Variants in TSPAN32 observed in about 807,000 individuals in gnomAD.
TSPAN32 encodes the protein tetraspanin 32.
A neutral mutation model predicts 42.7 loss-of-function variants in TSPAN32; 47 were observed. The ratio of observed to expected loss-of-function variants is 1.10; its 90% CI spans 0.87 to 1.40. TSPAN32 has a LOEUF of 1.40. Among genes scored for constraint, TSPAN32 ranks in the 40% most tolerant of loss-of-function variants. The probability of loss-of-function intolerance (pLI) is 0.00; values close to 1 mark genes in which losing one functional copy is unlikely to be tolerated. For synonymous variants in TSPAN32, 175 were observed against 175.9 expected (o/e 0.99, Z 0.04); for missense variants, 469 against 424.1 (o/e 1.11, Z -0.93).
chr11:2,308,212 G>T (rs552368885), intron 3 of TSPAN32, among the ~76,000 whole-genome samples: 1 of 152,242 alleles, frequency 6.6e-6, no homozygotes, highest in Middle Eastern at 3.4e-3. Flanking sequence ...GGATGGGAAG[G>T]TGCTATGGAA....
In TSPAN32 at chr11:2,302,073, G is replaced by T; in HGVS notation, c.-77G>T. ...CAGCCTACCTCCTGGGCAGTGAGCT[G>T]CGGTCTGAGGCCCCTGCCCAGCTGG... On this transcript the variant is annotated 5_prime_UTR_variant, in exon 1 of 10. Coordinates refer to ENST00000182290, the MANE Select transcript of TSPAN32 (RefSeq NM_139022.3). 2 of 1,490,580 alleles carry T rather than the reference G, an allele frequency of 1.3e-6. No individual in the cohort carries two copies. Among genetic ancestry groups the T allele is most frequent in the South Asian group, 1.4e-5 (1 of 70,998 alleles). The allele number at this position is 1,490,580 out of a possible 1,614,324, so 92.3% of individuals were successfully genotyped here.
In TSPAN32 at chr11:2,317,271, AAC is replaced by A; in HGVS notation, c.720-71_720-70del. On this transcript the variant is annotated intron_variant, in intron 8 of 9. Coordinates refer to ENST00000182290, the MANE Select transcript of TSPAN32 (RefSeq NM_139022.3). The surrounding 1 kb of genome is among the most constrained non-coding windows in gnomAD (Gnocchi z 6.2). The stretch of plus-strand genomic sequence containing the variant: ...GCAACAGCCCCATGATCCCCTCTAG[AAC>A]ATTCCACAATAGCCTCACAGGTCCC... 8.0e-7 allele frequency: 1 copy of A among 1,252,844 alleles called. No homozygotes were observed. Among genetic ancestry groups the A allele is most frequent in the African/African-American group, 1.5e-5 (1 of 67,282 alleles). 77.6% of individuals were successfully genotyped at this position (1,252,844 alleles called of 1,614,324 possible).
chr11:2,307,806 T>G (rs1406745565), intron 3 of TSPAN32, among the ~76,000 whole-genome samples: 1 of 151,962 alleles, frequency 6.6e-6, no homozygotes, highest in African/African-American at 2.4e-5. Context: ...GGGACAGTGG[T>G]TGGCCGGGCC....
intron 2 of TSPAN32, 60 bp downstream of exon 2, chr11:2,303,018 A>G (rs1847854716): frequency 6.7e-7 from 1 of 1,484,610 alleles, no homozygotes; most frequent in Non-Finnish European, 9.3e-7. Flanking sequence ...GGTGGCTGGC[A>G]CGAGCCCAGC....
chr11:2,308,783 G>A lies in TSPAN32; in HGVS notation c.327G>A (p.Val109=). 3 of 1,573,004 alleles carry A rather than the reference G, an allele frequency of 1.9e-6. No homozygotes were observed. The highest frequency in any genetic ancestry group is 4.7e-5 in the East Asian group (2 of 42,382). Residue 109 remains valine (V), a synonymous_variant, in exon 4 of 10, where the codon GTG becomes GTA. Coordinates refer to ENST00000182290, the MANE Select transcript of TSPAN32 (RefSeq NM_139022.3). ...CGTTCTGCGCACAGGTGCAGGTGGT[G>A]TTCTGGAGACTCCACAGCCCCACCC... The part of the protein sequence containing the change: ...SLAFCAQVQV[V]FWRLHSPTQV...
intron 2 of TSPAN32, among the ~76,000 whole-genome samples, chr11:2,303,694 C>CCCAGGT (rs1847902644): frequency 6.6e-6 from 1 of 152,070 alleles, no homozygotes. Flanking sequence ...ACGCCTGGGG[C>CCCAGGT]CCAGGTCCAG....
Position 2,318,055 on chromosome 11 carries a change from G to T in TSPAN32, c.*131G>T, listed in dbSNP as rs1422968157. ...TGAGGTTCCCAAGTCCTTGTCCCTG[G>T]TCCTGTGGTCCCTCCACCTTCAAAC... On this transcript the variant is annotated 3_prime_UTR_variant, in exon 10 of 10. Transcript: ENST00000182290. The surrounding 1 kb of genome is among the most constrained non-coding windows in gnomAD (Gnocchi z 4.2). 8.4e-6 allele frequency: 5 copies of T among 596,844 alleles called. No homozygotes were observed. Among genetic ancestry groups the T allele is most frequent in the Non-Finnish European group, 1.5e-5 (5 of 337,410 alleles). The allele number at this position is 596,844 out of a possible 1,614,324, so 37.0% of individuals were successfully genotyped here. A position where few individuals can be genotyped will look rare whatever the true frequency, so the allele number is the denominator to read the frequency against.
chr11:2,302,950 A>C lies in TSPAN32; in HGVS notation c.173A>C (p.His58Pro), dbSNP rs1323787153. The C allele has an allele frequency of 3.1e-6, 5 of 1,613,248 alleles. No homozygotes were observed. In the African/African-American group the frequency reaches 4.0e-5, roughly 13 times the overall value. Residue 58 changes from histidine (H) to proline (P), a missense_variant, in exon 2 of 10, where the codon CAC becomes CCC. His to Pro is a moderately conservative substitution (Grantham distance 77). Transcript: ENST00000182290. ...SLEKNPYQAV[H>P]QWAFSAGLSL... The stretch of plus-strand genomic sequence containing the variant: ...GAGAAGAACCCGTACCAGGCTGTGC[A>C]CCAATGGGGTAAGTGAGGTCCAGGC...
rs1407139268 is a variant in TSPAN32 at position 2,306,044 on chromosome 11, C to CTTTG, written c.279+1841_279+1842insTTGT. Among the ~76,000 whole-genome samples the CTTTG allele has an allele frequency of 7.3e-5, 3 of 40,906 alleles. No individual in the cohort carries two copies. The South Asian group carries it at 2.3e-3, about 31-fold the overall frequency. 26.8% of individuals were successfully genotyped at this position (40,906 alleles called of 152,430 possible). A position where few individuals can be genotyped will look rare whatever the true frequency, so the allele number is the denominator to read the frequency against. ...CATGTGTGTGTGCGTGTGCAGGTGC[C>CTTTG]TCTGTGTGTGTGTGTGTGTGTGTGT... On this transcript the variant is annotated intron_variant, in intron 3 of 9. Transcript: ENST00000182290.
chr11:2,315,412 A>T (rs868007929), intron 6 of TSPAN32: 2 of 1,133,960 alleles, frequency 1.8e-6, no homozygotes, highest in South Asian at 3.8e-5. Flanking sequence ...AACAGTCAGG[A>T]CCCCTGTGCC....
At chr11:2,302,580 A>G in intron 1 of TSPAN32, 1 of 551,274 alleles carries the variant, frequency 1.8e-6, no homozygotes, top group East Asian at 3.1e-5. Flanking sequence ...CCGTAGACAC[A>G]ATGATCAGAG....
chr11:2,305,541 A>G (rs752613257), intron 3 of TSPAN32, among the ~76,000 whole-genome samples: 1 of 152,212 alleles, frequency 6.6e-6, no homozygotes, highest in Non-Finnish European at 1.5e-5. Context: ...GCTTGAGGCC[A>G]CATATGCAGA....
At chr11:2,302,242 G>T in intron 1 of TSPAN32, 27 bp downstream of exon 1, 6 of 1,384,490 alleles carry the variant, frequency 4.3e-6, no homozygotes, top group Non-Finnish European at 5.6e-6. Context: ...GCAGGAGTGG[G>T]TGGTGGGTGG....
At position 2,304,957 on chromosome 11, in the gene TSPAN32, C is replaced by T. The variant is rs969229084; in HGVS notation, c.279+753C>T. Among the ~76,000 whole-genome samples the T allele has an allele frequency of 4.6e-5, 7 of 152,174 alleles. No individual in the cohort carries two copies. The highest frequency in any genetic ancestry group is 1.0e-4 in the Non-Finnish European group (7 of 68,018). Reference sequence around the variant, plus strand: ...GCGCCCCGGGCTCCCACCTGTCCCTCTAGCCTCCCGTCTCCCCTTTCCAGC... The same window carrying T: ...GCGCCCCGGGCTCCCACCTGTCCCTTTAGCCTCCCGTCTCCCCTTTCCAGC... On this transcript the variant is annotated intron_variant, in intron 3 of 9. Coordinates refer to ENST00000182290, the MANE Select transcript of TSPAN32 (RefSeq NM_139022.3). The surrounding 1 kb of genome is among the most constrained non-coding windows in gnomAD (Gnocchi z 4.8).
In TSPAN32 at chr11:2,313,106, C is replaced by T. The variant is rs75314331; in HGVS notation, c.355-548C>T. On this transcript the variant is annotated intron_variant, in intron 4 of 9. Coordinates refer to ENST00000182290, the MANE Select transcript of TSPAN32 (RefSeq NM_139022.3). This position sits in a 1 kb window ranked among gnomAD's most constrained non-coding sequence, Gnocchi z 9.1. ...TTCACCCCCTGCCCCACAGTGGCCTCGTCCACCCAGATCTGGCCTCAGGTG... is the reference window on the plus strand; with the variant it reads ...TTCACCCCCTGCCCCACAGTGGCCTTGTCCACCCAGATCTGGCCTCAGGTG... Among the ~76,000 whole-genome samples the T allele has an allele frequency of 0.02, 3,013 of 152,272 alleles. 107 individuals are homozygous for T. Among genetic ancestry groups the T allele is most frequent in the African/African-American group, 0.069 (2,868 of 41,532 alleles).
intron 4 of TSPAN32, among the ~76,000 whole-genome samples, chr11:2,312,273 G>A (rs574695627): frequency 1.3e-5 from 2 of 152,310 alleles, no homozygotes; most frequent in Admixed American, 6.5e-5. Flanking sequence ...GGCCCACTCC[G>A]CTGGGCCTCC....
chr11:2,306,755 G>A (rs534927056), intron 3 of TSPAN32, among the ~76,000 whole-genome samples: 2 of 143,450 alleles, frequency 1.4e-5, no homozygotes, highest in African/African-American at 5.2e-5. Context: ...AAGGAGGAGG[G>A]CAGAGGAGAA....
chr11:2,314,424 TG>T (rs1848657641), intron 5 of TSPAN32, 60 bp from the exon 6 acceptor site: 3 of 1,388,256 alleles, frequency 2.2e-6, no homozygotes, highest in Non-Finnish European at 3.0e-6. Flanking sequence ...TCCCCATATG[TG>T]CTGCCCGCCT....
chr11:2,310,849 T>C lies in TSPAN32; in HGVS notation c.354+2039T>C, dbSNP rs1053921594. Among the ~76,000 whole-genome samples the C allele has an allele frequency of 1.6e-4, 25 of 152,294 alleles. 1 individual carries two copies. In the South Asian group the frequency reaches 2.5e-3, roughly 15 times the overall value. On this transcript the variant is annotated intron_variant, in intron 4 of 9. Coordinates refer to ENST00000182290, the MANE Select transcript of TSPAN32 (RefSeq NM_139022.3). ...CTGTCCTGGGTGTGGATGGAGTGGC[T>C]TTGGTGCCAGGGCCCGGGCCCTGAG...
Sources: allele counts gnomAD v4.1 joint callset (sites outside exome capture counted in the v4.1 genomes callset), GRCh38; gene constraint gnomAD v4.1.1; non-coding constraint Gnocchi (gnomAD v3.1); transcripts MANE v1.5; gene names NCBI Gene and HGNC (gene_info 2026-07-23, HGNC 2026-07-21).